The following HIBADH variants were observed in gnomAD, a reference collection of about 807,000 sequenced individuals.
HIBADH encodes 3-hydroxyisobutyrate dehydrogenase, mitochondrial.
In HIBADH, 25 loss-of-function variants were observed where a neutral mutation model predicts 36.1. The ratio of observed to expected loss-of-function variants is 0.69; its 90% CI spans 0.50 to 0.97. The LOEUF (loss-of-function observed/expected upper bound fraction) is 0.97. HIBADH is among the 50% of genes least tolerant of loss of function. The pLI is 0.00. For synonymous variants in HIBADH, 160 were observed against 149.5 expected, an observed-to-expected ratio of 1.07 and a Z score of -0.51; for missense variants, 421 against 418.0, an observed-to-expected ratio of 1.01 and a Z score of -0.06.
In HIBADH at chr7:27,592,643, CTCTATA is replaced by C. The variant is rs199563541; in HGVS notation, c.484+36722_484+36727del. 8.6e-3 allele frequency among the ~76,000 whole-genome samples: 1,312 copies of C among 152,232 alleles called. 13 individuals carry two copies. The highest frequency in any genetic ancestry group is 0.03 in the South Asian group (143 of 4,826). ...CAAAAAAAAACATGCGACAACTTTT[CTCTATA>C]TCTATATCTCTAGCTCAAGCTACCA... On this transcript the variant is annotated intron_variant, in intron 4 of 7. Transcript: ENST00000265395.
intron 4 of HIBADH, among the ~76,000 whole-genome samples, chr7:27,601,109 G>A (rs1447184268): frequency 6.6e-6 from 1 of 152,056 alleles, no homozygotes; most frequent in African/African-American, 2.4e-5. Context: ...GTATAAAACT[G>A]TAAAAGTTAA....
intron 4 of HIBADH, among the ~76,000 whole-genome samples, chr7:27,608,429 A>G (rs536894107): frequency 8.5e-5 from 13 of 152,364 alleles, no homozygotes; most frequent in Admixed American, 5.2e-4. Context: ...TTTATGGCAA[A>G]TACATAGAAA....
intron 2 of HIBADH, 89 bp downstream of exon 2, chr7:27,649,384 G>T: frequency 1.0e-6 from 1 of 968,854 alleles, no homozygotes. Context: ...AACTCCATTG[G>T]GTATACTTCT....
At chr7:27,532,560 T>C (rs904204727) in intron 6 of HIBADH, among the ~76,000 whole-genome samples, 3 of 152,196 alleles carry the variant, frequency 2.0e-5, no homozygotes, top group Non-Finnish European at 4.4e-5. Context: ...AATTACCACA[T>C]AATACAACTG....
chr7:27,560,394 C>T (rs1363483156), intron 4 of HIBADH, among the ~76,000 whole-genome samples: 5 of 152,298 alleles, frequency 3.3e-5, no homozygotes, highest in South Asian at 2.1e-4. Context: ...GCTGGGATTA[C>T]GGGTGTGAGC....
At chr7:27,662,087 T>C (rs1474120358) in intron 1 of HIBADH, among the ~76,000 whole-genome samples, 1 of 152,174 alleles carries the variant, frequency 6.6e-6, no homozygotes, top group Non-Finnish European at 1.5e-5. Flanking sequence ...CGTGTTTTGG[T>C]TCATAATTTG....
intron 4 of HIBADH, among the ~76,000 whole-genome samples, chr7:27,555,672 T>C (rs1037781490): frequency 2.0e-5 from 3 of 152,156 alleles, no homozygotes; most frequent in African/African-American, 4.8e-5. Flanking sequence ...TACAGTGATA[T>C]AAATGTATAG....
intron 1 of HIBADH, among the ~76,000 whole-genome samples, chr7:27,653,571 T>C (rs1311260927): frequency 6.6e-6 from 1 of 151,960 alleles, no homozygotes; most frequent in Non-Finnish European, 1.5e-5. Context: ...CCGTCTCTAC[T>C]AAAAATACAA....
chr7:27,580,897 G>A (rs1359159844), intron 4 of HIBADH, among the ~76,000 whole-genome samples: 1 of 152,156 alleles, frequency 6.6e-6, no homozygotes, highest in Non-Finnish European at 1.5e-5. Context: ...GACCACTGCT[G>A]CTTGGCCAAT....
intron 4 of HIBADH, among the ~76,000 whole-genome samples, chr7:27,608,732 G>T (rs117969794): frequency 0.027 from 4,118 of 152,280 alleles, 102 homozygotes; most frequent in Non-Finnish European, 0.036. Flanking sequence ...TTGTACATAA[G>T]TAATAGCTTC....
chr7:27,655,969 CTTT>C (rs1365352000), intron 1 of HIBADH, among the ~76,000 whole-genome samples: 1 of 152,054 alleles, frequency 6.6e-6, no homozygotes, highest in African/African-American at 2.4e-5. Flanking sequence ...AAAATTTGAA[CTTT>C]TATTTAGAAT....
chr7:27,553,159 T>C (rs1489009017), intron 4 of HIBADH, among the ~76,000 whole-genome samples: 4 of 152,126 alleles, frequency 2.6e-5, no homozygotes, highest in East Asian at 1.9e-4. Context: ...TTCTTCAAAA[T>C]AGAAAAGTTG....
intron 4 of HIBADH, among the ~76,000 whole-genome samples, chr7:27,549,548 T>C (rs1195628626): frequency 6.6e-6 from 1 of 152,194 alleles, no homozygotes; most frequent in East Asian, 1.9e-4. Context: ...ATATTTTCCT[T>C]GAACTCAGTT....
intron 4 of HIBADH, among the ~76,000 whole-genome samples, chr7:27,559,022 G>A (rs866725377): frequency 6.6e-6 from 1 of 152,150 alleles, no homozygotes; most frequent in Non-Finnish European, 1.5e-5. Context: ...TAAGGTGTTG[G>A]CAGGATTGGT....
chr7:27,658,773 T>A (rs1343097846), intron 1 of HIBADH, among the ~76,000 whole-genome samples: 1 of 152,226 alleles, frequency 6.6e-6, no homozygotes, highest in African/African-American at 2.4e-5. Flanking sequence ...TATGTCTATT[T>A]TATCACATAA....
At chr7:27,657,792 C>T (rs935411982) in intron 1 of HIBADH, among the ~76,000 whole-genome samples, 12 of 152,152 alleles carry the variant, frequency 7.9e-5, no homozygotes, top group African/African-American at 2.4e-4. Flanking sequence ...GATAAGTTCA[C>T]TTCTTAGATG....
chr7:27,589,156 G>A (rs1408840506), intron 4 of HIBADH, among the ~76,000 whole-genome samples: 1 of 152,048 alleles, frequency 6.6e-6, no homozygotes, highest in African/African-American at 2.4e-5. Flanking sequence ...TTATAAAATG[G>A]TTTTATCAGC....
chr7:27,573,192 T>G (rs981293245), intron 4 of HIBADH, among the ~76,000 whole-genome samples: 3 of 152,206 alleles, frequency 2.0e-5, no homozygotes, highest in African/African-American at 7.2e-5. Flanking sequence ...CATTTAATCT[T>G]CAAACATGCC....
chr7:27,585,171 A>G (rs551708518), intron 4 of HIBADH, among the ~76,000 whole-genome samples: 2 of 152,174 alleles, frequency 1.3e-5, no homozygotes, highest in South Asian at 2.1e-4. Context: ...ATATATGTAT[A>G]TATGTGTGTA....
Sources: allele counts gnomAD v4.1 joint callset (sites outside exome capture counted in the v4.1 genomes callset), GRCh38; gene constraint gnomAD v4.1.1; transcripts MANE v1.5; gene names NCBI Gene and HGNC (gene_info 2026-07-23, HGNC 2026-07-21).